The following EDAR variants were observed in gnomAD, a reference collection of about 807,000 sequenced individuals.
EDAR encodes the protein ectodysplasin A receptor.
A neutral mutation model predicts 51.3 loss-of-function variants in EDAR; 38 were observed. The ratio of observed to expected loss-of-function variants is 0.74; its 90% CI spans 0.57 to 0.97. EDAR has a LOEUF of 0.97. Among genes scored for constraint, EDAR ranks in the 50% least tolerant of loss-of-function variants. The pLI is 0.00. For synonymous variants in EDAR, 227 were observed against 242.1 expected, an observed-to-expected ratio of 0.94 and a Z score of 0.58; for missense variants, 528 against 595.0, an observed-to-expected ratio of 0.89 and a Z score of 1.17.
intron 4 of EDAR, among the ~76,000 whole-genome samples, chr2:108,928,400 T>C (rs1193996142): frequency 6.6e-6 from 1 of 152,152 alleles, no homozygotes; most frequent in African/African-American, 2.4e-5. Flanking sequence ...GTGTGCCTTA[T>C]GCACTAAGCT....
At chr2:108,937,610 ATG>A (rs1416529340) in intron 1 of EDAR, among the ~76,000 whole-genome samples, 16 of 101,480 alleles carry the variant, frequency 1.6e-4, no homozygotes, top group East Asian at 5.8e-4. Context: ...GTGTGTGTAT[ATG>A]TGTGTGAGTG....
chr2:108,948,545 G>T (rs1262117531), intron 1 of EDAR, among the ~76,000 whole-genome samples: 7 of 152,156 alleles, frequency 4.6e-5, no homozygotes, highest in Non-Finnish European at 7.3e-5. Context: ...CTGAATGGCT[G>T]GGAGGCCTCA....
chr2:108,930,075 C>T (rs751688315), intron 3 of EDAR, 45 bp downstream of exon 3: 1 of 1,588,224 alleles, frequency 6.3e-7, no homozygotes, highest in Non-Finnish European at 8.6e-7. Context: ...AAGCAGGAGG[C>T]CTCCCCTGAG....
At chr2:108,961,144 G>A (rs554617296) in intron 1 of EDAR, among the ~76,000 whole-genome samples, 11 of 152,312 alleles carry the variant, frequency 7.2e-5, no homozygotes, top group Non-Finnish European at 1.0e-4. Context: ...AGTGGCCCCC[G>A]CTGCAGAGCC....
intron 5 of EDAR, among the ~76,000 whole-genome samples, chr2:108,913,949 CAAAAA>C (rs71383816): frequency 1.8e-5 from 2 of 109,156 alleles, no homozygotes; most frequent in African/African-American, 7.2e-5. Context: ...GATTCCGTCT[CAAAAA>C]AAAAAAAAAA....
At chr2:108,933,130 G>C (rs906983271) in intron 1 of EDAR, among the ~76,000 whole-genome samples, 1 of 152,220 alleles carries the variant, frequency 6.6e-6, no homozygotes, top group Non-Finnish European at 1.5e-5. Flanking sequence ...TGTTGGGTGA[G>C]AAAGAAATGA....
At chr2:108,934,080 T>G (rs565042508) in intron 1 of EDAR, among the ~76,000 whole-genome samples, 21 of 152,302 alleles carry the variant, frequency 1.4e-4, no homozygotes, top group African/African-American at 5.1e-4. Flanking sequence ...TGCCGCACCT[T>G]AGTGTCAACC....
At chr2:108,959,642 G>A (rs149722393) in intron 1 of EDAR, among the ~76,000 whole-genome samples, 1 of 152,152 alleles carries the variant, frequency 6.6e-6, no homozygotes, top group Non-Finnish European at 1.5e-5. Flanking sequence ...GCCGGCTGTG[G>A]CATGCGCCCT....
At chr2:108,948,395 A>C (rs1295691612) in intron 1 of EDAR, among the ~76,000 whole-genome samples, 1 of 152,210 alleles carries the variant, frequency 6.6e-6, no homozygotes, top group Non-Finnish European at 1.5e-5. Context: ...AGTTGCTTCC[A>C]AATTTTCAGG....
intron 2 of EDAR, 61 bp from the exon 3 acceptor site, chr2:108,930,303 C>T (rs1697342482): frequency 1.9e-6 from 3 of 1,611,222 alleles, no homozygotes; most frequent in Non-Finnish European, 2.5e-6. Context: ...GTGACTCCTG[C>T]AAGACCCCAA....
chr2:108,939,699 T>C (rs1395558433), intron 1 of EDAR, among the ~76,000 whole-genome samples: 1 of 152,258 alleles, frequency 6.6e-6, no homozygotes, highest in Non-Finnish European at 1.5e-5. Context: ...TTTGCTTAAC[T>C]GCATTCTGAT....
rs7594163 is a variant in EDAR, at chr2:108,959,818, T to C, written c.-18-28786A>G. Reference sequence around the variant, plus strand: ...ATATGTCTTCTGAGACACCAGCTTTTCCACAGGTCTCTCAAGAAACTCAAG... The same window carrying C: ...ATATGTCTTCTGAGACACCAGCTTTCCCACAGGTCTCTCAAGAAACTCAAG... On this transcript the variant is annotated intron_variant, in intron 1 of 11. Transcript: ENST00000258443. Among the ~76,000 whole-genome samples the C allele has an allele frequency of 9.9e-3, 1,511 of 152,286 alleles. 19 individuals carry two copies. The highest frequency in any genetic ancestry group is 0.033 in the African/African-American group (1,386 of 41,558).
chr2:108,985,011 T>C (rs1263937108), intron 1 of EDAR, among the ~76,000 whole-genome samples: 1 of 152,220 alleles, frequency 6.6e-6, no homozygotes, highest in African/African-American at 2.4e-5. Context: ...GTCAAAACAG[T>C]GCATGCCCTC....
chr2:108,943,900 T>G (rs140001109), intron 1 of EDAR, among the ~76,000 whole-genome samples: 1 of 152,334 alleles, frequency 6.6e-6, no homozygotes, highest in African/African-American at 2.4e-5. Context: ...TTCCACCCAC[T>G]GCACCTCAGT....
At chr2:108,977,121 GC>G (rs199574388) in intron 1 of EDAR, among the ~76,000 whole-genome samples, 3,865 of 152,210 alleles carry the variant, frequency 0.025, 96 homozygotes, top group African/African-American at 0.063. Context: ...GATTCCAGTG[GC>G]CCCCACTGGC....
chr2:108,909,118 G>A lies in EDAR; in HGVS notation c.804-1099C>T, dbSNP rs193216192. The stretch of plus-strand genomic sequence containing the variant: ...AGGGTTCAATTTGTATTTAATATTC[G>A]TGTATGAAAGCAGTATATATTTTTT... On this transcript the variant is annotated intron_variant, in intron 9 of 11. Coordinates refer to ENST00000258443, the MANE Select transcript of EDAR (RefSeq NM_022336.4). Among the ~76,000 whole-genome samples the A allele has an allele frequency of 9.4e-4, 143 of 152,278 alleles. 1 individual carries two copies. The highest frequency in any genetic ancestry group is 3.2e-3 in the African/African-American group (131 of 41,554).
chr2:108,910,285 C>T (rs1325994952), intron 9 of EDAR, among the ~76,000 whole-genome samples, 175 bp downstream of exon 9: 1 of 152,210 alleles, frequency 6.6e-6, no homozygotes, highest in Non-Finnish European at 1.5e-5. Context: ...ACAGGCTCCT[C>T]ACACCACCTG....
At chr2:108,949,688 A>C (rs1404390816) in intron 1 of EDAR, among the ~76,000 whole-genome samples, 1 of 152,164 alleles carries the variant, frequency 6.6e-6, no homozygotes, top group Non-Finnish European at 1.5e-5. Flanking sequence ...CTAATCATCC[A>C]ACCAGAGAGG....
intron 1 of EDAR, among the ~76,000 whole-genome samples, chr2:108,970,412 G>A (rs1698214739): frequency 6.6e-6 from 1 of 152,210 alleles, no homozygotes; most frequent in Non-Finnish European, 1.5e-5. Flanking sequence ...CTAGGAGTCT[G>A]TTTCAGAGGC....
Sources: allele counts gnomAD v4.1 joint callset (sites outside exome capture counted in the v4.1 genomes callset), GRCh38; gene constraint gnomAD v4.1.1; transcripts MANE v1.5; gene names NCBI Gene and HGNC (gene_info 2026-07-23, HGNC 2026-07-21).